MTHFD2L: variants seen among roughly 807,000 people sequenced by gnomAD.
MTHFD2L encodes methylenetetrahydrofolate dehydrogenase (NADP+ dependent) 2 like, also known as bifunctional methylenetetrahydrofolate dehydrogenase/cyclohydrolase 2, mitochondrial.
Under a neutral mutation model 34.9 loss-of-function variants are expected in MTHFD2L, and 29 were observed. The ratio of observed to expected loss-of-function variants is 0.83; its 90% confidence interval spans 0.62 to 1.13. The LOEUF (loss-of-function observed/expected upper bound fraction) is 1.13, where lower values mean the gene tolerates loss of function less well. Ranked by LOEUF, MTHFD2L falls within the 50% of genes most tolerant of loss-of-function variation. MTHFD2L has a pLI of 0.00. For missense variants in MTHFD2L, 481 were observed against 446.5 expected (o/e 1.08, Z -0.70); for synonymous variants, 167 against 155.7 (o/e 1.07, Z -0.54).
At chr4:74,130,460 C>T (rs990181807) in intron 1 of MTHFD2L, among the ~76,000 whole-genome samples, 4 of 152,284 alleles carry the variant, frequency 2.6e-5, no homozygotes, top group African/African-American at 7.2e-5. Flanking sequence ...TGTAATTCAT[C>T]ACATAAACAG....
upstream of MTHFD2L, among the ~76,000 whole-genome samples, chr4:74,120,409 C>T (rs111772548): frequency 3.7e-3 from 559 of 152,278 alleles, 1 homozygote; most frequent in Admixed American, 7.4e-3. Context: ...ACTTTTGTTG[C>T]CAACTAATAC....
chr4:74,171,323 A>G (rs1009067113), intron 1 of MTHFD2L, among the ~76,000 whole-genome samples: 2 of 152,218 alleles, frequency 1.3e-5, no homozygotes, highest in Admixed American at 6.5e-5. Context: ...TAAAATGTCA[A>G]CAGTTTTAAA....
chr4:74,259,852 G>C (rs745996873), intron 6 of MTHFD2L, among the ~76,000 whole-genome samples: 15 of 152,156 alleles, frequency 9.9e-5, no homozygotes, highest in Non-Finnish European at 2.1e-4. Context: ...TTAGACATTG[G>C]AGCCATTAAT....
intron 6 of MTHFD2L, among the ~76,000 whole-genome samples, chr4:74,252,251 C>G (rs146648483): frequency 6.6e-6 from 1 of 152,022 alleles, no homozygotes; most frequent in Non-Finnish European, 1.5e-5. Context: ...GACTGGCAGC[C>G]GTGACTGCAA....
intron 5 of MTHFD2L, among the ~76,000 whole-genome samples, chr4:74,205,793 G>C (rs1054949254): frequency 1.3e-5 from 2 of 152,042 alleles, no homozygotes; most frequent in African/African-American, 4.8e-5. Context: ...GTGAGAGATG[G>C]TTCCTGTCCT....
At chr4:74,223,444 C>T (rs1738586368) in intron 5 of MTHFD2L, among the ~76,000 whole-genome samples, 1 of 151,828 alleles carries the variant, frequency 6.6e-6, no homozygotes, top group African/African-American at 2.4e-5. Flanking sequence ...GAGAGGGGAA[C>T]AACAGACACT....
chr4:74,158,419 C>A, intron 1 of MTHFD2L, 138 bp downstream of exon 1: 1 of 622,680 alleles, frequency 1.6e-6, no homozygotes, highest in South Asian at 6.9e-5. Flanking sequence ...ACAGCCTTGT[C>A]TGTGAGGTGG....
intron 5 of MTHFD2L, among the ~76,000 whole-genome samples, chr4:74,205,008 C>G (rs1735054875): frequency 6.6e-6 from 1 of 152,148 alleles, no homozygotes. Context: ...AGTTATAATA[C>G]TGGTTACTTA....
chr4:74,254,295 C>T (rs1307787179), intron 6 of MTHFD2L, among the ~76,000 whole-genome samples: 1 of 151,982 alleles, frequency 6.6e-6, no homozygotes, highest in Admixed American at 6.6e-5. Context: ...TAAAAAACTC[C>T]AAATAGATTG....
chr4:74,171,908 C>G (rs1293261018), intron 1 of MTHFD2L, among the ~76,000 whole-genome samples: 2 of 145,932 alleles, frequency 1.4e-5, no homozygotes, highest in East Asian at 2.0e-4. Flanking sequence ...GGAAAGAACC[C>G]GAATATCCAT....
intron 6 of MTHFD2L, among the ~76,000 whole-genome samples, chr4:74,234,206 T>G (rs1158239991): frequency 6.6e-6 from 1 of 152,076 alleles, no homozygotes; most frequent in Non-Finnish European, 1.5e-5. Context: ...ATCACTTTGT[T>G]ATATTTTTAT....
intron 7 of MTHFD2L, among the ~76,000 whole-genome samples, chr4:74,294,926 G>A (rs1749448104): frequency 6.6e-6 from 1 of 152,048 alleles, no homozygotes; most frequent in South Asian, 2.1e-4. Flanking sequence ...CTTGAGTAAT[G>A]ATTTACTGGG....
chr4:74,301,618 A>G (rs987167359), intron 7 of MTHFD2L, 79 bp from the exon 8 acceptor site: 2 of 819,012 alleles, frequency 2.4e-6, no homozygotes, highest in Admixed American at 3.0e-5. Flanking sequence ...AAGAATCACT[A>G]TATTCAGCAT....
upstream of MTHFD2L, chr4:74,156,617 G>GT (rs1724280683): frequency 2.6e-5 from 4 of 152,126 alleles, no homozygotes; most frequent in Admixed American, 2.6e-4. Context: ...ATTTAGCTTT[G>GT]TAAGAATCTG....
At chr4:74,198,994 G>A (rs954948792) in intron 3 of MTHFD2L, among the ~76,000 whole-genome samples, 3 of 151,972 alleles carry the variant, frequency 2.0e-5, no homozygotes, top group Non-Finnish European at 4.4e-5. Flanking sequence ...TGTCTAAATC[G>A]CATTATATAA....
intron 7 of MTHFD2L, among the ~76,000 whole-genome samples, chr4:74,299,283 ATATT>A (rs1007221720): frequency 1.3e-5 from 2 of 151,868 alleles, no homozygotes; most frequent in African/African-American, 4.8e-5. Flanking sequence ...TTATTTTTAT[ATATT>A]AATATTTCAA....
chr4:74,250,906 A>T (rs543617282), intron 6 of MTHFD2L, among the ~76,000 whole-genome samples: 1 of 152,308 alleles, frequency 6.6e-6, no homozygotes, highest in Non-Finnish European at 1.5e-5. Context: ...CTTTAAGTGG[A>T]GCTGCCTGGA....
rs968337956 is a variant in MTHFD2L, at chr4:74,302,598, C to T, written c.*789C>T. 1 of 151,778 alleles carries T rather than the reference C, an allele frequency of 6.6e-6. No homozygotes were observed. Among genetic ancestry groups the T allele is most frequent in the African/African-American group, 2.4e-5 (1 of 41,326 alleles). The allele number at this position is 151,778 out of a possible 1,614,324, so 9.4% of individuals were successfully genotyped here. On this transcript the variant is annotated 3_prime_UTR_variant, in exon 8 of 8. Coordinates refer to ENST00000325278, the MANE Select transcript of MTHFD2L (RefSeq NM_001144978.3). ...ATATTTGGTTAGTACCTTCACTGAG[C>T]AATAGTGGAAAAATAAAAAAATAAG...
At chr4:74,270,605 A>G (rs1487227668) in intron 6 of MTHFD2L, among the ~76,000 whole-genome samples, 1 of 152,164 alleles carries the variant, frequency 6.6e-6, no homozygotes, top group Non-Finnish European at 1.5e-5. Flanking sequence ...AGTCTTTGCT[A>G]TTGTGAGTAG....
Sources: allele counts gnomAD v4.1 joint callset (sites outside exome capture counted in the v4.1 genomes callset), GRCh38; gene constraint gnomAD v4.1.1; transcripts MANE v1.5; gene names NCBI Gene and HGNC (gene_info 2026-07-23, HGNC 2026-07-21).